The following JAKMIP1 variants were observed in gnomAD, a reference collection of about 807,000 sequenced individuals.
JAKMIP1 encodes the protein janus kinase and microtubule-interacting protein 1.
A neutral mutation model predicts 113.0 loss-of-function variants in JAKMIP1; 33 were observed. The ratio of observed to expected loss-of-function variants is 0.29; its 90% CI spans 0.22 to 0.39. The LOEUF is 0.39. Among genes scored for constraint, JAKMIP1 ranks in the 10% least tolerant of loss-of-function variants. JAKMIP1 has a pLI of 1.00. For missense variants in JAKMIP1, 813 were observed against 1,080.5 expected, an observed-to-expected ratio of 0.75 and a Z score of 3.47; for synonymous variants, 480 against 459.9, an observed-to-expected ratio of 1.04 and a Z score of -0.56.
chr4:6,171,283 A>G (rs1349830314), intron 1 of JAKMIP1, among the ~76,000 whole-genome samples: 1 of 149,182 alleles, frequency 6.7e-6, no homozygotes, highest in Non-Finnish European at 1.5e-5. Context: ...CATCAATGTC[A>G]TCACCACCAC....
At chr4:6,070,028 A>G (rs1377963633) in intron 8 of JAKMIP1, 1 of 398,632 alleles carries the variant, frequency 2.5e-6, no homozygotes, top group Non-Finnish European at 4.4e-6. Flanking sequence ...GAGAACCTCA[A>G]AACGCAAAAC....
At chr4:6,070,014 G>T (rs144391882) in intron 8 of JAKMIP1, 6 of 398,270 alleles carry the variant, frequency 1.5e-5, no homozygotes, top group Non-Finnish European at 2.7e-5. Context: ...GCCAGGGACC[G>T]CCAGAGAACC....
chr4:6,197,060 C>T lies in JAKMIP1; in HGVS notation c.-148+3193G>A, dbSNP rs1382080647. Reference sequence around the variant, plus strand: ...TCTGCGGTGTTCACGTAGACCTCACCCTGTGTGGTGCCCGTGCAGCAAAGA... The same window carrying T: ...TCTGCGGTGTTCACGTAGACCTCACTCTGTGTGGTGCCCGTGCAGCAAAGA... On this transcript the variant is annotated intron_variant, in intron 1 of 20. Coordinates refer to ENST00000409021, the MANE Select transcript of JAKMIP1 (RefSeq NM_001099433.2). The surrounding 1 kb of genome is among the most constrained non-coding windows in gnomAD (Gnocchi z 6.5). Among the ~76,000 whole-genome samples, 5 of 152,178 alleles carry T rather than the reference C, an allele frequency of 3.3e-5. No individual in the cohort carries two copies. The highest frequency in any genetic ancestry group is 1.2e-4 in the African/African-American group (5 of 41,430).
rs938877237 is a variant in JAKMIP1 at position 6,065,295 on chromosome 4, C to T, written c.1303-287G>A. On this transcript the variant is annotated intron_variant, in intron 8 of 20. Transcript: ENST00000409021. The surrounding 1 kb of genome is among the most constrained non-coding windows in gnomAD (Gnocchi z 5.1). The stretch of plus-strand genomic sequence containing the variant: ...GCAAACCACTTGGCCCCTGGAGCAC[C>T]AGCCTCCTTCTCTAGCAAATGGATT... Among the ~76,000 whole-genome samples the T allele has an allele frequency of 2.0e-5, 3 of 152,198 alleles. No homozygotes were observed. The highest frequency in any genetic ancestry group is 7.2e-5 in the African/African-American group (3 of 41,446).
intron 3 of JAKMIP1, among the ~76,000 whole-genome samples, chr4:6,100,954 T>C (rs959313402): frequency 6.6e-6 from 1 of 152,218 alleles, no homozygotes; most frequent in African/African-American, 2.4e-5. Context: ...AAAAGTTCTT[T>C]GTGGTTATAG....
rs1181491262 is a variant in JAKMIP1 at position 6,105,830 on chromosome 4, C to T, written c.267G>A (p.Glu89=). The T allele has an allele frequency of 5.0e-6, 8 of 1,611,270 alleles. No individual in the cohort carries two copies. The South Asian group carries it at 7.7e-5, about 15-fold the overall frequency. ...EKTKELQALR[E]GLIRQHEQEA... is the part of the protein sequence containing the mutation. ...CCTGCTCGTGCTGCCGGATGAGCCC[C>T]TCGCGCAGCGCCTGCAGCTCCTTGG... The change falls in exon 3 of 21, where the codon GAG becomes GAA. Residue 89 remains glutamate, a synonymous_variant. Coordinates refer to ENST00000409021, the MANE Select transcript of JAKMIP1 (RefSeq NM_001099433.2).
chr4:6,102,416 C>G (rs998603490), intron 3 of JAKMIP1, among the ~76,000 whole-genome samples: 1 of 152,024 alleles, frequency 6.6e-6, no homozygotes, highest in African/African-American at 2.4e-5. Flanking sequence ...AGTTAGTGAC[C>G]TTATAAGAGA....
chr4:6,110,924 G>C (rs1714831542), intron 2 of JAKMIP1, among the ~76,000 whole-genome samples: 1 of 150,820 alleles, frequency 6.6e-6, no homozygotes, highest in Non-Finnish European at 1.5e-5. Context: ...CCCCGGAGGT[G>C]ACCTGGCCTG....
At chr4:6,196,740 A>G (rs1302134358) in intron 1 of JAKMIP1, among the ~76,000 whole-genome samples, 1 of 152,138 alleles carries the variant, frequency 6.6e-6, no homozygotes, top group Non-Finnish European at 1.5e-5. Context: ...AGGTGCCTGT[A>G]ATCCCAGCTA....
chr4:6,031,500 AC>A lies in JAKMIP1; in HGVS notation c.2380-1720del. 6.6e-6 allele frequency among the ~76,000 whole-genome samples: 1 copy of A among 152,220 alleles called. No homozygotes were observed. The highest frequency in any genetic ancestry group is 1.9e-4 in the East Asian group (1 of 5,170). On this transcript the variant is annotated intron_variant, in intron 19 of 20. Transcript: ENST00000409021. The surrounding 1 kb of genome is among the most constrained non-coding windows in gnomAD (Gnocchi z 4.4). The stretch of plus-strand genomic sequence containing the variant: ...ACGTGGAACCCAGCAGGGTTAGTTC[AC>A]CAGATGCACAAGAGGGGAAAGGAAT...
rs1294034860 is a variant in JAKMIP1, at chr4:6,108,926, G to T, written c.130-2959C>A. ...TTTACAGGTATGCGTACATACGCAG[G>T]TCAGTATACACATATATATTCCTTG... On this transcript the variant is annotated intron_variant, in intron 2 of 20. Coordinates refer to ENST00000409021, the MANE Select transcript of JAKMIP1 (RefSeq NM_001099433.2). This position sits in a 1 kb window ranked among gnomAD's most constrained non-coding sequence, Gnocchi z 5.6. 6.6e-6 allele frequency among the ~76,000 whole-genome samples: 1 copy of T among 152,210 alleles called. No individual in the cohort carries two copies. Among genetic ancestry groups the T allele is most frequent in the African/African-American group, 2.4e-5 (1 of 41,454 alleles).
intron 1 of JAKMIP1, among the ~76,000 whole-genome samples, chr4:6,117,970 C>T (rs1382233068): frequency 6.6e-6 from 1 of 152,160 alleles, no homozygotes; most frequent in African/African-American, 2.4e-5. Context: ...AACACACATG[C>T]TGTACAATTT....
intron 1 of JAKMIP1, among the ~76,000 whole-genome samples, chr4:6,132,641 C>CAAAAA (rs1245452327): frequency 7.5e-5 from 3 of 40,112 alleles, no homozygotes; most frequent in African/African-American, 2.7e-4. Flanking sequence ...GACATTGCCT[C>CAAAAA]AAAAATAAAA....
chr4:6,182,970 C>G (rs1726215055), intron 1 of JAKMIP1, among the ~76,000 whole-genome samples: 1 of 152,326 alleles, frequency 6.6e-6, no homozygotes, highest in Admixed American at 6.5e-5. Context: ...CCAGTGCCAG[C>G]TCCCAAGGCA....
At chr4:6,119,253 C>T (rs548487084) in intron 1 of JAKMIP1, among the ~76,000 whole-genome samples, 1 of 152,136 alleles carries the variant, frequency 6.6e-6, no homozygotes, top group Non-Finnish European at 1.5e-5. Flanking sequence ...AGGGAAAAAC[C>T]ACTCCTGGGG....
intron 1 of JAKMIP1, among the ~76,000 whole-genome samples, chr4:6,130,952 T>C (rs138392481): frequency 1.2e-3 from 186 of 151,610 alleles, no homozygotes; most frequent in African/African-American, 4.0e-3. Context: ...GGAAGGCAAA[T>C]TGCTTGACCC....
At chr4:6,196,043 A>G (rs1018272844) in intron 1 of JAKMIP1, among the ~76,000 whole-genome samples, 5 of 152,240 alleles carry the variant, frequency 3.3e-5, no homozygotes, top group Admixed American at 6.5e-5. Flanking sequence ...TATGAAAGGC[A>G]TAACACTTCG....
intron 1 of JAKMIP1, among the ~76,000 whole-genome samples, chr4:6,171,953 A>AT (rs948447792): frequency 8.5e-5 from 13 of 152,146 alleles, no homozygotes; most frequent in African/African-American, 2.9e-4. Context: ...CATTACTGAT[A>AT]TTTTTTATTA....
chr4:6,140,679 A>T lies in JAKMIP1; in HGVS notation c.-147-27682T>A, dbSNP rs1330009631. Among the ~76,000 whole-genome samples the T allele has an allele frequency of 6.6e-6, 1 of 152,132 alleles. No individual in the cohort carries two copies. The highest frequency in any genetic ancestry group is 2.4e-5 in the African/African-American group (1 of 41,370). On this transcript the variant is annotated intron_variant, in intron 1 of 20. Transcript: ENST00000409021. This position sits in a 1 kb window ranked among gnomAD's most constrained non-coding sequence, Gnocchi z 9.4. ...CTGTCTTCTCCAAGACATTTTCCAC[A>T]ATGAAAATGTAATGCTTTTACCTGG...
Sources: allele counts gnomAD v4.1 joint callset (sites outside exome capture counted in the v4.1 genomes callset), GRCh38; gene constraint gnomAD v4.1.1; non-coding constraint Gnocchi (gnomAD v3.1); transcripts MANE v1.5; gene names NCBI Gene and HGNC (gene_info 2026-07-23, HGNC 2026-07-21).